Variants in PLSCR1 observed in about 807,000 individuals in gnomAD.
PLSCR1 encodes phospholipid scramblase 1.
In PLSCR1, 17 loss-of-function variants were observed where a neutral mutation model predicts 37.8. The ratio of observed to expected loss-of-function variants is 0.45; its 90% CI spans 0.31 to 0.68. PLSCR1 has a LOEUF of 0.68. Among genes scored for constraint, PLSCR1 ranks in the 30% least tolerant of loss-of-function variants. The probability of loss-of-function intolerance (pLI) is 0.06; values close to 1 mark genes in which losing one functional copy is unlikely to be tolerated. For synonymous variants in PLSCR1, 116 were observed against 125.9 expected (o/e 0.92, Z 0.53); for missense variants, 347 against 380.9 (o/e 0.91, Z 0.74).
At chr3:146,535,596 T>C (rs2108661927) in intron 2 of PLSCR1, among the ~76,000 whole-genome samples, 1 of 152,312 alleles carries the variant, frequency 6.6e-6, no homozygotes, top group Non-Finnish European at 1.5e-5. Context: ...TGCAAATACA[T>C]TCATACATAC....
intron 2 of PLSCR1, among the ~76,000 whole-genome samples, chr3:146,535,189 A>T (rs2044249820): frequency 6.6e-6 from 1 of 152,196 alleles, no homozygotes; most frequent in Non-Finnish European, 1.5e-5. Context: ...TACCCTTGAC[A>T]GGTATGTCAC....
intron 1 of PLSCR1, among the ~76,000 whole-genome samples, chr3:146,541,489 T>G (rs1333693279): frequency 6.6e-6 from 1 of 152,226 alleles, no homozygotes; most frequent in Non-Finnish European, 1.5e-5. Flanking sequence ...TAAAAGTGAT[T>G]TTAATAAATG....
intron 7 of PLSCR1, among the ~76,000 whole-genome samples, chr3:146,521,209 C>G (rs758573623): frequency 4.6e-5 from 7 of 152,146 alleles, no homozygotes; most frequent in Non-Finnish European, 7.3e-5. Context: ...TATGCTTTGG[C>G]AATCAGACTT....
At chr3:146,517,296 T>C in intron 7 of PLSCR1, 129 bp from the exon 8 acceptor site, 1 of 451,186 alleles carries the variant, frequency 2.2e-6, no homozygotes, top group Non-Finnish European at 3.9e-6. Context: ...ATTAGATAAC[T>C]GGAGGCTCCT....
chr3:146,532,613 C>T (rs1259605930), intron 3 of PLSCR1, among the ~76,000 whole-genome samples: 7 of 152,190 alleles, frequency 4.6e-5, no homozygotes, highest in African/African-American at 1.7e-4. Flanking sequence ...ACATTCAGCT[C>T]CTAAGCACAT....
intron 1 of PLSCR1, among the ~76,000 whole-genome samples, chr3:146,538,890 A>T (rs1023806486): frequency 6.6e-6 from 1 of 152,150 alleles, no homozygotes; most frequent in African/African-American, 2.4e-5. Context: ...GAAATAAAGG[A>T]TGTGCTGCAA....
At chr3:146,516,942 T>G in intron 8 of PLSCR1, 64 bp downstream of exon 8, 1 of 1,004,650 alleles carries the variant, frequency 1.0e-6, no homozygotes, top group South Asian at 1.6e-5. Context: ...TACACTTTAC[T>G]GAATCATTTC....
Position 146,528,660 on chromosome 3 carries a change from G to T in PLSCR1, c.266C>A (p.Pro89Gln). The T allele has an allele frequency of 6.2e-7, 1 of 1,614,116 alleles. No homozygotes were observed. Among genetic ancestry groups the T allele is most frequent in the Middle Eastern group, 1.6e-4 (1 of 6,062 alleles). The change falls in exon 4 of 9, where the codon CCA becomes CAA. Residue 89 changes from proline to glutamine, a missense_variant. Transcript: ENST00000342435. ...AGGTGGACAGTTTAATGGAGGCTGT[G>T]GCGCTGGCATCCATGGTACCCCTGC... ...GAAGVPWMPA[P>Q]QPPLNCPPGL...
chr3:146,516,677 AT>A (rs2043951421), intron 8 of PLSCR1: 2 of 191,254 alleles, frequency 1.0e-5, no homozygotes, highest in Non-Finnish European at 2.1e-5. Flanking sequence ...GTTTCACTAA[AT>A]TTTTTCCACA....
In PLSCR1 at chr3:146,528,727, G is replaced by T. The variant is rs760816067; in HGVS notation, c.199C>A (p.Pro67Thr). ...TTATATACTGGCTGATTATACACTGGCTGATTTGGGACAGGAAAGCCAGCT... is the reference window on the plus strand; with the variant it reads ...TTATATACTGGCTGATTATACACTGTCTGATTTGGGACAGGAAAGCCAGCT... ...GPAGFPVPNQ[P>T]VYNQPVYNQP... Residue 67 changes from proline (P) to threonine (T), a missense_variant, in exon 4 of 9, where the codon CCA becomes ACA. Pro to Thr is a conservative substitution (Grantham distance 38). Coordinates refer to ENST00000342435, the MANE Select transcript of PLSCR1 (RefSeq NM_021105.3). 1.9e-6 allele frequency: 3 copies of T among 1,614,136 alleles called. No individual in the cohort carries two copies. Among genetic ancestry groups the T allele is most frequent in the Non-Finnish European group, 2.5e-6 (3 of 1,180,006 alleles).
chr3:146,530,304 A>C (rs2044178487), intron 3 of PLSCR1, among the ~76,000 whole-genome samples: 1 of 152,198 alleles, frequency 6.6e-6, no homozygotes, highest in Admixed American at 6.5e-5. Flanking sequence ...AAACAGAATA[A>C]ACCTCACAAT....
In PLSCR1 at chr3:146,517,001, C is replaced by T. The variant is rs2043955915; in HGVS notation, c.900+5G>A. On this transcript the variant is annotated splice_donor_5th_base_variant and intron_variant, in intron 8 of 8. Transcript: ENST00000342435. Reference sequence around the variant, plus strand: ...TATAATCAAGATTAATAAGAACAGACTTACAATGAGGAAACAGGCACCAAT... The same window carrying T: ...TATAATCAAGATTAATAAGAACAGATTTACAATGAGGAAACAGGCACCAAT... 1.3e-6 allele frequency: 2 copies of T among 1,564,710 alleles called. No homozygotes were observed. The highest frequency in any genetic ancestry group is 1.2e-5 in the South Asian group (1 of 85,344).
At chr3:146,527,714 T>A (rs941763087) in intron 4 of PLSCR1, among the ~76,000 whole-genome samples, 1 of 152,228 alleles carries the variant, frequency 6.6e-6, no homozygotes, top group Non-Finnish European at 1.5e-5. Context: ...AAAATTCCTA[T>A]GATTATGCCA....
intron 4 of PLSCR1, chr3:146,528,385 A>C: frequency 1.8e-6 from 1 of 544,850 alleles, no homozygotes; most frequent in Non-Finnish European, 3.3e-6. Flanking sequence ...AATGTTTGCT[A>C]TTGGCCATTA....
chr3:146,524,885 A>G (rs75337088), intron 5 of PLSCR1, among the ~76,000 whole-genome samples: 2,289 of 152,312 alleles, frequency 0.015, 61 homozygotes, highest in African/African-American at 0.053. Context: ...ATTCCTAAAA[A>G]CTGGAGAGTT....
chr3:146,536,631 TCGG>T, intron 1 of PLSCR1, 66 bp from the exon 2 acceptor site: 1 of 905,740 alleles, frequency 1.1e-6, no homozygotes, highest in South Asian at 1.4e-5. Context: ...AACAGTTGAA[TCGG>T]GATACTCTAA....
At chr3:146,537,333 C>G (rs16858455) in intron 1 of PLSCR1, among the ~76,000 whole-genome samples, 7,655 of 152,128 alleles carry the variant, frequency 0.05, 650 homozygotes, top group African/African-American at 0.17. Context: ...CTGTAGATCC[C>G]GATGCCCTTC....
chr3:146,532,716 T>C (rs2044215961), intron 3 of PLSCR1, among the ~76,000 whole-genome samples: 1 of 152,214 alleles, frequency 6.6e-6, no homozygotes, highest in African/African-American at 2.4e-5. Context: ...TCTTTCAAGA[T>C]GTGGGTAGCC....
chr3:146,541,982 C>T (rs987968929), intron 1 of PLSCR1, among the ~76,000 whole-genome samples: 4 of 152,190 alleles, frequency 2.6e-5, no homozygotes, highest in African/African-American at 9.7e-5. Flanking sequence ...TGCCTCCATA[C>T]AGTCATGCAC....
Sources: gnomAD v4.1 joint callset for allele counts (sites outside exome capture counted in the v4.1 genomes callset) on GRCh38, gnomAD v4.1.1 for gene constraint, MANE v1.5 for transcripts, NCBI Gene and HGNC (gene_info 2026-07-23, HGNC 2026-07-21) for gene names.